Variants in ST13 observed in about 807,000 individuals in gnomAD.
ST13 encodes hsc70-interacting protein.
Under a neutral mutation model 56.7 loss-of-function variants are expected in ST13, and 23 were observed. That is an observed-to-expected ratio of 0.41 (90% CI 0.29 to 0.57). The LOEUF is 0.57. ST13 is among the 20% of genes least tolerant of loss of function. The pLI is 0.36. For missense variants in ST13, 369 were observed against 459.9 expected (o/e 0.80, Z 1.81); for synonymous variants, 132 against 142.4 (o/e 0.93, Z 0.52).
intron 3 of ST13, among the ~76,000 whole-genome samples, chr22:40,845,582 A>G (rs1004541417): frequency 6.6e-6 from 1 of 152,188 alleles, no homozygotes; most frequent in Non-Finnish European, 1.5e-5. Flanking sequence ...TAGTTTCCAT[A>G]TGTACAGTAG....
chr22:40,845,760 A>G (rs1380746344), intron 3 of ST13, among the ~76,000 whole-genome samples: 1 of 152,128 alleles, frequency 6.6e-6, no homozygotes, highest in African/African-American at 2.4e-5. Flanking sequence ...TCATTTAAAA[A>G]GAACACATTT....
At chr22:40,848,675 G>A (rs373225756) in intron 2 of ST13, among the ~76,000 whole-genome samples, 1 of 152,038 alleles carries the variant, frequency 6.6e-6, no homozygotes. Context: ...CCTGGGAGGC[G>A]GAGGTGGCAG....
chr22:40,827,994 G>A (rs1369882766), intron 10 of ST13, among the ~76,000 whole-genome samples: 3 of 152,108 alleles, frequency 2.0e-5, no homozygotes, highest in Non-Finnish European at 2.9e-5. Flanking sequence ...ATTCATACGA[G>A]TTTAGTTTAG....
chr22:40,851,040 G>C (rs1288114002), intron 1 of ST13, among the ~76,000 whole-genome samples, 160 bp from the exon 2 acceptor site: 1 of 152,150 alleles, frequency 6.6e-6, no homozygotes, highest in African/African-American at 2.4e-5. Flanking sequence ...GTATTATTAT[G>C]GTTAAATTTT....
chr22:40,834,683 T>C (rs1459052345), intron 7 of ST13, among the ~76,000 whole-genome samples: 1 of 152,218 alleles, frequency 6.6e-6, no homozygotes, highest in Non-Finnish European at 1.5e-5. Context: ...AATAGCTTAT[T>C]TTCAGTCTGA....
At chr22:40,827,660 A>G (rs1433862815) in intron 10 of ST13, among the ~76,000 whole-genome samples, 1 of 151,450 alleles carries the variant, frequency 6.6e-6, no homozygotes, top group Non-Finnish European at 1.5e-5. Flanking sequence ...TTTTATAAAT[A>G]TATTTTTTAT....
intron 2 of ST13, among the ~76,000 whole-genome samples, chr22:40,849,293 T>C (rs1851052308): frequency 1.3e-5 from 2 of 151,792 alleles, no homozygotes. Flanking sequence ...CTGGCTAACA[T>C]GGTGAAACCC....
At chr22:40,829,415 A>C (rs2057743640) in intron 10 of ST13, among the ~76,000 whole-genome samples, 3 of 152,186 alleles carry the variant, frequency 2.0e-5, no homozygotes, top group Admixed American at 6.5e-5. Flanking sequence ...TTCTGATCAC[A>C]TTTGAAAGAA....
chr22:40,849,124 A>T (rs989588309), intron 2 of ST13, among the ~76,000 whole-genome samples: 3 of 152,162 alleles, frequency 2.0e-5, no homozygotes, highest in African/African-American at 4.8e-5. Flanking sequence ...GCCTACCTTC[A>T]TCTATTCACT....
At chr22:40,847,759 A>G (rs558922421) in intron 3 of ST13, among the ~76,000 whole-genome samples, 1 of 152,136 alleles carries the variant, frequency 6.6e-6, no homozygotes, top group East Asian at 1.9e-4. Context: ...ATTATTAACA[A>G]ATATTGAGGC....
chr22:40,840,816 G>C, intron 4 of ST13, 124 bp from the exon 5 acceptor site: 1 of 701,920 alleles, frequency 1.4e-6, no homozygotes, highest in Non-Finnish European at 2.4e-6. Flanking sequence ...GTAGTCTCCA[G>C]AGAACAAAGA....
chr22:40,826,473 G>A lies in ST13; in HGVS notation c.*65C>T, dbSNP rs984260497. Reference sequence around the variant, plus strand: ...CAGAGGTACACTGGTTTGTATTATTGCGACATCCATAAGGTGATCTAGGTT... The same window carrying A: ...CAGAGGTACACTGGTTTGTATTATTACGACATCCATAAGGTGATCTAGGTT... On this transcript the variant is annotated 3_prime_UTR_variant, in exon 12 of 12. Coordinates refer to ENST00000216218, the MANE Select transcript of ST13 (RefSeq NM_003932.5). 4.5e-6 allele frequency: 7 copies of A among 1,546,724 alleles called. No individual in the cohort carries two copies. In the African/African-American group the frequency reaches 9.5e-5, roughly 21 times the overall value.
chr22:40,827,548 G>A (rs1389732942), intron 10 of ST13, among the ~76,000 whole-genome samples: 2 of 152,150 alleles, frequency 1.3e-5, no homozygotes, highest in Non-Finnish European at 2.9e-5. Flanking sequence ...TGCCATCTTG[G>A]CTGACTGCCA....
intron 8 of ST13, chr22:40,832,166 A>C (rs1373854295): frequency 1.9e-5 from 9 of 471,574 alleles, no homozygotes; most frequent in South Asian, 1.5e-5. Context: ...AAAGCCTGAA[A>C]CTTCTTAACT....
At chr22:40,848,037 G>A (rs970101816) in intron 3 of ST13, among the ~76,000 whole-genome samples, 8 of 151,768 alleles carry the variant, frequency 5.3e-5, no homozygotes, top group African/African-American at 1.7e-4. Flanking sequence ...ACAAGAGCAC[G>A]ACTCCATCTC....
At chr22:40,838,148 G>C (rs1569001217) in intron 5 of ST13, among the ~76,000 whole-genome samples, 2 of 152,176 alleles carry the variant, frequency 1.3e-5, no homozygotes, top group Non-Finnish European at 2.9e-5. Flanking sequence ...TGCTGTTGTA[G>C]TGGGAAAGCA....
chr22:40,849,350 C>G (rs1011094088), intron 2 of ST13, among the ~76,000 whole-genome samples: 4 of 151,754 alleles, frequency 2.6e-5, no homozygotes, highest in African/African-American at 7.3e-5. Context: ...TGGTGGTGGG[C>G]ACCTGTAGTC....
At chr22:40,847,020 A>C (rs958880018) in intron 3 of ST13, among the ~76,000 whole-genome samples, 1 of 151,162 alleles carries the variant, frequency 6.6e-6, no homozygotes, top group Admixed American at 6.6e-5. Flanking sequence ...AAAAAACAAC[A>C]AAAAAAAACT....
rs2057897865 is a variant in ST13 at position 40,856,541 on chromosome 22, G to C, written c.-1C>G. 6.2e-7 allele frequency: 1 copy of C among 1,611,570 alleles called. No individual in the cohort carries two copies. ...GCTCGTTCACTTTGCGGGGGTCCAT[G>C]GTAGGGAGGTGGTGGGCGAAACTGG... On this transcript the variant is annotated 5_prime_UTR_variant, in exon 1 of 12. Transcript: ENST00000216218.
Sources: allele counts gnomAD v4.1 joint callset (sites outside exome capture counted in the v4.1 genomes callset), GRCh38; gene constraint gnomAD v4.1.1; transcripts MANE v1.5; gene names NCBI Gene and HGNC (gene_info 2026-07-23, HGNC 2026-07-21).